The following EPHA2 variants were observed in gnomAD, a reference collection of about 807,000 sequenced individuals.
EPHA2 encodes the protein EPH receptor A2.
Under a neutral mutation model 104.9 loss-of-function variants are expected in EPHA2, and 54 were observed. The observed-to-expected ratio is 0.51, with a 90% CI of 0.41 to 0.65. EPHA2 has a LOEUF of 0.65. Among genes scored for constraint, EPHA2 ranks in the 30% least tolerant of loss-of-function variants. The pLI, the probability that EPHA2 is intolerant of heterozygous loss-of-function variation, is 0.00. For synonymous variants in EPHA2, 560 were observed against 559.1 expected (o/e 1.00, Z -0.02); for missense variants, 1,117 against 1,369.5 (o/e 0.82, Z 2.91).
In EPHA2 at chr1:16,153,429, C is replaced by T. The variant is rs2025084028; in HGVS notation, c.85+2419G>A. Reference sequence around the variant, plus strand: ...ACTTGGCCCCGGTAGAACCAGAAACCAAGGACTTCCTGGCACTCTCCAGCC... The same window carrying T: ...ACTTGGCCCCGGTAGAACCAGAAACTAAGGACTTCCTGGCACTCTCCAGCC... On this transcript the variant is annotated intron_variant, in intron 1 of 16. Transcript: ENST00000358432. 3 of 617,360 alleles carry T rather than the reference C, an allele frequency of 4.9e-6. No individual in the cohort carries two copies. In the Admixed American group the frequency reaches 1.9e-4, roughly 39 times the overall value. 38.2% of individuals were successfully genotyped at this position (617,360 alleles called of 1,614,324 possible). A position where few individuals can be genotyped will look rare whatever the true frequency, so the allele number is the denominator to read the frequency against.
intron 11 of EPHA2, chr1:16,132,940 C>A: frequency 2.6e-6 from 1 of 391,848 alleles, no homozygotes; most frequent in Non-Finnish European, 4.3e-6. Flanking sequence ...GAGGTGGGTA[C>A]AAGTATGGGG....
rs1263732342 is a variant in EPHA2, at chr1:16,125,206, T to C, written c.*9A>G. On this transcript the variant is annotated 3_prime_UTR_variant, in exon 17 of 17. Transcript: ENST00000358432. This position sits in a 1 kb window ranked among gnomAD's most constrained non-coding sequence, Gnocchi z 4.9. ...TCTTGGCCGATGGGGCTCCAGGCCC[T>C]GTCGAGGCTCAGATGGGGATCCCCA... 2 of 1,613,030 alleles carry C rather than the reference T, an allele frequency of 1.2e-6. No individual in the cohort carries two copies. Among genetic ancestry groups the C allele is most frequent in the East Asian group, 4.5e-5 (2 of 44,868 alleles).
chr1:16,129,293 C>G (rs2024527443), intron 16 of EPHA2, 141 bp downstream of exon 16: 1 of 1,070,768 alleles, frequency 9.3e-7, no homozygotes, highest in East Asian at 2.6e-5. Flanking sequence ...CTGCCCTTCT[C>G]TTCCAAGGAG....
Position 16,135,824 on chromosome 1 carries a change from A to C in EPHA2, c.1313-54T>G. On this transcript the variant is annotated intron_variant, in intron 5 of 16. Transcript: ENST00000358432. The surrounding 1 kb of genome is among the most constrained non-coding windows in gnomAD (Gnocchi z 4.3). ...GGTAAGAAGCTGCCTACGAGCAGGC[A>C]GGGTTTGGGGGGACAAGTGGACGTG... 1 of 879,048 alleles carries C rather than the reference A, an allele frequency of 1.1e-6. No homozygotes were observed. 54.5% of individuals were successfully genotyped at this position (879,048 alleles called of 1,614,324 possible).
chr1:16,154,649 G>C (rs2025114137), intron 1 of EPHA2, among the ~76,000 whole-genome samples: 1 of 151,282 alleles, frequency 6.6e-6, no homozygotes, highest in Non-Finnish European at 1.5e-5. Context: ...CAGCTACTAG[G>C]GAGGCTTGAG....
chr1:16,133,219 G>A lies in EPHA2; in HGVS notation c.2014C>T (p.His672Tyr). ...CCCTCTAGGCGGATGATGTTGTGGT[G>A]GCTGAACTGGCCCATGATGCCGGCC... ...GEAGIMGQFSHHNIIRLEGVI... is the reference protein window; with the variant it reads ...GEAGIMGQFSYHNIIRLEGVI... Residue 672 changes from histidine to tyrosine, a missense_variant, in exon 11 of 17, where the codon CAC becomes TAC. His to Tyr is a moderately conservative substitution (Grantham distance 83). Transcript: ENST00000358432. The A allele has an allele frequency of 1.2e-6, 2 of 1,613,774 alleles. No individual in the cohort carries two copies. Among genetic ancestry groups the A allele is most frequent in the Non-Finnish European group, 1.7e-6 (2 of 1,179,902 alleles).
Position 16,125,354 on chromosome 1 carries a change from G to A in EPHA2, c.2826-34C>T. 1 of 1,535,654 alleles carries A rather than the reference G, an allele frequency of 6.5e-7. No homozygotes were observed. Among genetic ancestry groups the A allele is most frequent in the Non-Finnish European group, 8.9e-7 (1 of 1,118,470 alleles). On this transcript the variant is annotated intron_variant, in intron 16 of 16. Transcript: ENST00000358432. This position sits in a 1 kb window ranked among gnomAD's most constrained non-coding sequence, Gnocchi z 4.9. ...CGGGAGGGAGAGAGGGAGAGTTAGGGGCTGGAGCAGGGGAGGGGGCCGGGC... is the reference window on the plus strand; with the variant it reads ...CGGGAGGGAGAGAGGGAGAGTTAGGAGCTGGAGCAGGGGAGGGGGCCGGGC...
chr1:16,139,123 G>A (rs1319374429), intron 3 of EPHA2, among the ~76,000 whole-genome samples: 1 of 152,184 alleles, frequency 6.6e-6, no homozygotes, highest in East Asian at 1.9e-4. Flanking sequence ...CTCCCCCAGT[G>A]GCCAGTCCTG....
rs2124205253 is a variant in EPHA2, at chr1:16,133,221, C to T, written c.2012G>A (p.Ser671Asn). 6.2e-7 allele frequency: 1 copy of T among 1,613,806 alleles called. No homozygotes were observed. The highest frequency in any genetic ancestry group is 8.5e-7 in the Non-Finnish European group (1 of 1,179,912). Residue 671 changes from serine (S) to asparagine (N), a missense_variant, in exon 11 of 17, where the codon AGC becomes AAC. Coordinates refer to ENST00000358432, the MANE Select transcript of EPHA2 (RefSeq NM_004431.5). The stretch of plus-strand genomic sequence containing the variant: ...CTCTAGGCGGATGATGTTGTGGTGG[C>T]TGAACTGGCCCATGATGCCGGCCTC... ...LGEAGIMGQF[S>N]HHNIIRLEGV...
intron 3 of EPHA2, among the ~76,000 whole-genome samples, chr1:16,146,232 T>A (rs2024930368): frequency 6.6e-6 from 1 of 152,118 alleles, no homozygotes; most frequent in African/African-American, 2.4e-5. Context: ...ACGAACTAAG[T>A]CGGAAATTTC....
At chr1:16,132,653 G>A (rs997423547) in intron 11 of EPHA2, among the ~76,000 whole-genome samples, 9 of 151,416 alleles carry the variant, frequency 5.9e-5, no homozygotes, top group Admixed American at 1.3e-4. Context: ...ATGGGGAGAG[G>A]TGGGTTCAGG....
chr1:16,133,268 C>T lies in EPHA2; in HGVS notation c.1965G>A (p.Lys655=), dbSNP rs2024613652. The change falls in exon 11 of 17, where the codon AAG becomes AAA. Residue 655 remains lysine, a synonymous_variant. Transcript: ENST00000358432. ...CCTCGCCGAGGAAGTCCACTCGCTG[C>T]TTCTCTGTGTAGCCGGCTTTCAGCG... ...IKTLKAGYTE[K]QRVDFLGEAG... 1.2e-6 allele frequency: 2 copies of T among 1,613,914 alleles called. No individual in the cohort carries two copies. Among genetic ancestry groups the T allele is most frequent in the Admixed American group, 1.7e-5 (1 of 60,014 alleles).
chr1:16,125,177 G>A lies in EPHA2; in HGVS notation c.*38C>T. 1 of 1,586,442 alleles carries A rather than the reference G, an allele frequency of 6.3e-7. No individual in the cohort carries two copies. The highest frequency in any genetic ancestry group is 8.6e-7 in the Non-Finnish European group (1 of 1,157,680). On this transcript the variant is annotated 3_prime_UTR_variant, in exon 17 of 17. Transcript: ENST00000358432. The surrounding 1 kb of genome is among the most constrained non-coding windows in gnomAD (Gnocchi z 4.9). ...CAGGGAGGCCACTCTGTTTCTTCAA[G>A]TATTCTTGGCCGATGGGGCTCCAGG...
In EPHA2 at chr1:16,151,774, G is replaced by C. The variant is rs909878661; in HGVS notation, c.86-811C>G. On this transcript the variant is annotated intron_variant, in intron 1 of 16. Transcript: ENST00000358432. ...CCAGGGGTGCCAGAGGTTCCTGGGG[G>C]ATCAGGAATAAAAGCCCTTGTAGGG... 3.2e-4 allele frequency among the ~76,000 whole-genome samples: 48 copies of C among 152,194 alleles called. 1 individual carries two copies. Among genetic ancestry groups the C allele is most frequent in the African/African-American group, 1.2e-3 (48 of 41,442 alleles).
Position 16,135,219 on chromosome 1 carries a change from G to A in EPHA2, c.1429-30C>T, listed in dbSNP as rs1193308214. 2.5e-6 allele frequency: 4 copies of A among 1,612,562 alleles called. No individual in the cohort carries two copies. The highest frequency in any genetic ancestry group is 3.4e-6 in the Non-Finnish European group (4 of 1,179,820). ...GGGTGGGTGGCCGGCGGAGGAGCAG[G>A]CAGTGAGGGCAGGGCAGGGGCCTCG... On this transcript the variant is annotated intron_variant, in intron 6 of 16. Coordinates refer to ENST00000358432, the MANE Select transcript of EPHA2 (RefSeq NM_004431.5). This position sits in a 1 kb window ranked among gnomAD's most constrained non-coding sequence, Gnocchi z 4.3.
At chr1:16,139,169 C>A (rs966879569) in intron 3 of EPHA2, among the ~76,000 whole-genome samples, 1 of 152,100 alleles carries the variant, frequency 6.6e-6, no homozygotes, top group Non-Finnish European at 1.5e-5. Context: ...AGGCACCTGA[C>A]TCCGGGGGCT....
Position 16,125,375 on chromosome 1 carries a change from C to CCG in EPHA2, c.2826-56_2826-55insCG. The CCG allele has an allele frequency of 1.5e-5, 1 of 65,064 alleles. No individual in the cohort carries two copies. Among genetic ancestry groups the CCG allele is most frequent in the South Asian group, 1.2e-4 (1 of 8,436 alleles). 4.0% of individuals were successfully genotyped at this position (65,064 alleles called of 1,614,324 possible). A position where few individuals can be genotyped will look rare whatever the true frequency, so the allele number is the denominator to read the frequency against. On this transcript the variant is annotated intron_variant, in intron 16 of 16. Transcript: ENST00000358432. The surrounding 1 kb of genome is among the most constrained non-coding windows in gnomAD (Gnocchi z 4.9). The stretch of plus-strand genomic sequence containing the variant: ...TAGGGGCTGGAGCAGGGGAGGGGGC[C>CCG]GGGCTGGGTGGGGACAGGACTCGGT...
rs1381079787 is a variant in EPHA2, at chr1:16,145,318, T to C, written c.823+3060A>G. ...GAACCAAGGGAAGCTGGCTCATTCC[T>C]GACATAGTTCATGGGAGCGCTCCGG... On this transcript the variant is annotated intron_variant, in intron 3 of 16. Coordinates refer to ENST00000358432, the MANE Select transcript of EPHA2 (RefSeq NM_004431.5). Among the ~76,000 whole-genome samples the C allele has an allele frequency of 2.0e-5, 3 of 152,368 alleles. No individual in the cohort carries two copies. The East Asian group carries it at 5.8e-4, about 29-fold the overall frequency.
chr1:16,140,397 C>T (rs150332420), intron 3 of EPHA2, among the ~76,000 whole-genome samples: 254 of 152,314 alleles, frequency 1.7e-3, no homozygotes, highest in African/African-American at 5.8e-3. Flanking sequence ...GTCCCAATGA[C>T]AGTACCTACT....
Sources: gnomAD v4.1 joint callset for allele counts (sites outside exome capture counted in the v4.1 genomes callset) on GRCh38, gnomAD v4.1.1 for gene constraint, Gnocchi (gnomAD v3.1) non-coding constraint, MANE v1.5 for transcripts, NCBI Gene and HGNC (gene_info 2026-07-23, HGNC 2026-07-21) for gene names.